HIPK2: variants seen among roughly 807,000 people sequenced by gnomAD.
HIPK2 encodes homeodomain-interacting protein kinase 2.
HIPK2 carries 27 observed loss-of-function variants against 113.7 expected under a neutral mutation model. The observed-to-expected ratio is 0.24, with a 90% CI of 0.17 to 0.33. HIPK2 has a LOEUF of 0.33. Among genes scored for constraint, HIPK2 ranks in the 10% least tolerant of loss-of-function variants. The probability of loss-of-function intolerance (pLI) is 1.00; values close to 1 mark genes in which losing one functional copy is unlikely to be tolerated. For missense variants in HIPK2, 1,257 were observed against 1,588.0 expected, an observed-to-expected ratio of 0.79 and a Z score of 3.54; for synonymous variants, 631 against 642.2, an observed-to-expected ratio of 0.98 and a Z score of 0.26.
In HIPK2 at chr7:139,613,119, A is replaced by G; in HGVS notation, c.2112+83T>C. The G allele has an allele frequency of 1.3e-6, 2 of 1,513,754 alleles. No individual in the cohort carries two copies. The highest frequency in any genetic ancestry group is 1.8e-6 in the Non-Finnish European group (2 of 1,108,452). The allele number at this position is 1,513,754 out of a possible 1,614,324, so 93.8% of individuals were successfully genotyped here. A position where few individuals can be genotyped will look rare whatever the true frequency, so the allele number is the denominator to read the frequency against. On this transcript the variant is annotated intron_variant, in intron 9 of 14. Transcript: ENST00000406875. This position sits in a 1 kb window ranked among gnomAD's most constrained non-coding sequence, Gnocchi z 4.2. ...GCACCTAACTCATTACTAGGGAGAGAGGGAGTGGAGATATATATCTTTTGT... is the reference window on the plus strand; with the variant it reads ...GCACCTAACTCATTACTAGGGAGAGGGGGAGTGGAGATATATATCTTTTGT...
At chr7:139,583,724 A>G in intron 13 of HIPK2, 93 bp downstream of exon 13, 1 of 1,535,732 alleles carries the variant, frequency 6.5e-7, no homozygotes, top group Non-Finnish European at 8.8e-7. Context: ...TTTCTATTGT[A>G]CTAGCTCCCA....
intron 6 of HIPK2, among the ~76,000 whole-genome samples, chr7:139,623,517 CAAA>C (rs771370297): frequency 1.2e-3 from 88 of 74,094 alleles, no homozygotes; most frequent in African/African-American, 1.2e-3. Context: ...GACTCTACTT[CAAA>C]AAAAAAAAAA....
rs1231123333 is a variant in HIPK2, at chr7:139,575,899, C to T, written c.2966-611G>A. 2.6e-5 allele frequency among the ~76,000 whole-genome samples: 4 copies of T among 152,248 alleles called. No individual in the cohort carries two copies. In the East Asian group the frequency reaches 7.7e-4, roughly 29 times the overall value. ...TTCTGCCTCCTGTGCTAGGAAGATG[C>T]AGCACAAAGGTCCTTGCCAGATGCT... On this transcript the variant is annotated intron_variant, in intron 13 of 14. Coordinates refer to ENST00000406875, the MANE Select transcript of HIPK2 (RefSeq NM_022740.5).
intron 13 of HIPK2, among the ~76,000 whole-genome samples, chr7:139,578,845 A>T (rs1002771378): frequency 1.9e-4 from 29 of 151,174 alleles, no homozygotes; most frequent in Admixed American, 3.9e-4. Context: ...TATTTTTTGT[A>T]TTTTTTAGTA....
chr7:139,660,616 C>T (rs1283311694), intron 2 of HIPK2, among the ~76,000 whole-genome samples: 2 of 152,176 alleles, frequency 1.3e-5, no homozygotes, highest in African/African-American at 2.4e-5. Context: ...GACCTTACTC[C>T]TACAATCACT....
At chr7:139,673,349 C>T (rs78012930) in intron 2 of HIPK2, among the ~76,000 whole-genome samples, 32 of 152,278 alleles carry the variant, frequency 2.1e-4, no homozygotes, top group African/African-American at 7.0e-4. Context: ...CGCATTCTCT[C>T]GCATAATCTG....
intron 1 of HIPK2, among the ~76,000 whole-genome samples, chr7:139,728,960 C>T (rs891227866): frequency 6.6e-6 from 1 of 152,112 alleles, no homozygotes; most frequent in Non-Finnish European, 1.5e-5. Context: ...TGTTACAACG[C>T]TTCTGAAAAA....
intron 1 of HIPK2, among the ~76,000 whole-genome samples, chr7:139,757,490 T>A (rs1037423797): frequency 6.6e-6 from 1 of 152,046 alleles, no homozygotes; most frequent in Non-Finnish European, 1.5e-5. Flanking sequence ...TAAATACATA[T>A]AGAAATCAGC....
intron 2 of HIPK2, among the ~76,000 whole-genome samples, chr7:139,653,695 G>A (rs550164847): frequency 2.0e-5 from 3 of 151,822 alleles, no homozygotes; most frequent in Non-Finnish European, 4.4e-5. Flanking sequence ...TTCCAAAGGT[G>A]GGGGGAACAA....
chr7:139,619,052 C>T (rs1189327885), intron 7 of HIPK2, among the ~76,000 whole-genome samples: 16 of 152,172 alleles, frequency 1.1e-4, no homozygotes, highest in Admixed American at 8.5e-4. Flanking sequence ...AGAATGCAAA[C>T]GGCCCCCAGA....
intron 1 of HIPK2, among the ~76,000 whole-genome samples, chr7:139,730,779 T>A (rs911583452): frequency 3.3e-5 from 5 of 152,194 alleles, no homozygotes; most frequent in African/African-American, 1.2e-4. Context: ...AATGGGGTCT[T>A]TTCAGAGGTA....
intron 6 of HIPK2, among the ~76,000 whole-genome samples, chr7:139,624,896 AG>A (rs1800374119): frequency 6.6e-6 from 1 of 152,182 alleles, no homozygotes; most frequent in African/African-American, 2.4e-5. Context: ...GTCGAACCTC[AG>A]GGCTCAACAA....
intron 2 of HIPK2, among the ~76,000 whole-genome samples, chr7:139,660,338 C>T (rs1585342797): frequency 6.6e-6 from 1 of 152,188 alleles, no homozygotes; most frequent in East Asian, 1.9e-4. Context: ...CAACCAAACT[C>T]AAATACAATT....
intron 2 of HIPK2, among the ~76,000 whole-genome samples, chr7:139,688,107 AC>A (rs1794283415): frequency 6.6e-6 from 1 of 151,784 alleles, no homozygotes; most frequent in Non-Finnish European, 1.5e-5. Flanking sequence ...ACACACACAC[AC>A]GCAGCCCATT....
intron 1 of HIPK2, among the ~76,000 whole-genome samples, chr7:139,721,548 C>T (rs1031172774): frequency 6.6e-6 from 1 of 152,182 alleles, no homozygotes; most frequent in Non-Finnish European, 1.5e-5. Flanking sequence ...AATGTCTCCT[C>T]TCATTTCTTT....
intron 1 of HIPK2, among the ~76,000 whole-genome samples, chr7:139,720,926 G>A (rs1205150113): frequency 2.0e-5 from 3 of 152,178 alleles, no homozygotes; most frequent in Non-Finnish European, 4.4e-5. Context: ...TTTACAGAGG[G>A]GAAGAGGGTG....
intron 13 of HIPK2, among the ~76,000 whole-genome samples, chr7:139,577,346 T>C (rs1273816706): frequency 6.6e-6 from 1 of 152,042 alleles, no homozygotes; most frequent in Non-Finnish European, 1.5e-5. Context: ...AGACAGGGTT[T>C]CACCATGTTG....
chr7:139,606,581 C>T (rs1485510489), intron 9 of HIPK2, among the ~76,000 whole-genome samples: 2 of 152,192 alleles, frequency 1.3e-5, no homozygotes, highest in African/African-American at 4.8e-5. Flanking sequence ...AAGATCAGGT[C>T]TTCATTTCCC....
At chr7:139,747,050 T>C (rs1184397603) in intron 1 of HIPK2, among the ~76,000 whole-genome samples, 4 of 152,196 alleles carry the variant, frequency 2.6e-5, no homozygotes, top group Admixed American at 6.5e-5. Context: ...ACAACACTCA[T>C]TTGTCCAGGG....
Sources: allele counts gnomAD v4.1 joint callset (sites outside exome capture counted in the v4.1 genomes callset), GRCh38; gene constraint gnomAD v4.1.1; non-coding constraint Gnocchi (gnomAD v3.1); transcripts MANE v1.5; gene names NCBI Gene and HGNC (gene_info 2026-07-23, HGNC 2026-07-21).